The following GMDS variants were observed in gnomAD, a reference collection of about 807,000 sequenced individuals.
GMDS encodes GDP-mannose 4,6-dehydratase, also known as GDP-mannose 4,6 dehydratase.
In GMDS, 20 loss-of-function variants were observed where a neutral mutation model predicts 49.9. That is an observed-to-expected ratio of 0.40 (90% CI 0.28 to 0.58). The LOEUF (loss-of-function observed/expected upper bound fraction) is 0.58. Among genes scored for constraint, GMDS ranks in the 20% least tolerant of loss-of-function variants. GMDS has a pLI of 0.42. For missense variants in GMDS, 362 were observed against 481.4 expected (o/e 0.75, Z 2.32); for synonymous variants, 177 against 178.6 (o/e 0.99, Z 0.07).
intron 4 of GMDS, among the ~76,000 whole-genome samples, chr6:1,969,481 C>G (rs961800666): frequency 6.6e-6 from 1 of 151,996 alleles, no homozygotes; most frequent in Non-Finnish European, 1.5e-5. Context: ...ATGAGTAAGG[C>G]TGAACACATT....
chr6:1,633,566 G>T (rs1763059837), intron 9 of GMDS, among the ~76,000 whole-genome samples: 1 of 152,178 alleles, frequency 6.6e-6, no homozygotes, highest in Admixed American at 6.5e-5. Context: ...CTCTGTACTG[G>T]CTGGGCGGGG....
chr6:1,876,258 C>CA (rs1237756188), intron 7 of GMDS, among the ~76,000 whole-genome samples: 190 of 138,048 alleles, frequency 1.4e-3, no homozygotes, highest in African/African-American at 3.6e-3. Context: ...AACTCTGTCT[C>CA]AAAAAAAAAA....
intron 9 of GMDS, among the ~76,000 whole-genome samples, chr6:1,663,188 T>A (rs1199305920): frequency 2.6e-5 from 4 of 152,194 alleles, no homozygotes; most frequent in African/African-American, 9.7e-5. Flanking sequence ...CATGCACTGA[T>A]AAGGAAAGGG....
intron 6 of GMDS, among the ~76,000 whole-genome samples, chr6:1,940,576 A>G (rs1194550990): frequency 2.0e-5 from 3 of 152,226 alleles, no homozygotes; most frequent in African/African-American, 7.2e-5. Context: ...TCATTTGCTC[A>G]CTAAGTCCTG....
intron 9 of GMDS, among the ~76,000 whole-genome samples, chr6:1,643,289 C>A (rs1231081860): frequency 6.6e-6 from 1 of 152,188 alleles, no homozygotes; most frequent in Non-Finnish European, 1.5e-5. Context: ...GTCCCTGAGA[C>A]CCAGCCCATT....
At chr6:1,962,756 T>C (rs2127300220) in intron 4 of GMDS, among the ~76,000 whole-genome samples, 1 of 152,176 alleles carries the variant, frequency 6.6e-6, no homozygotes, top group South Asian at 2.1e-4. Context: ...AAAGTTTATA[T>C]ATATATACAT....
At chr6:1,822,115 A>G (rs568261580) in intron 7 of GMDS, among the ~76,000 whole-genome samples, 2 of 152,272 alleles carry the variant, frequency 1.3e-5, no homozygotes, top group East Asian at 3.9e-4. Flanking sequence ...ATGACAACTG[A>G]CTTCTTGTTC....
intron 9 of GMDS, among the ~76,000 whole-genome samples, chr6:1,714,953 G>A (rs1285090774): frequency 6.6e-6 from 1 of 152,236 alleles, no homozygotes; most frequent in African/African-American, 2.4e-5. Flanking sequence ...GAGCCAGGGA[G>A]CACATCTGGA....
rs142600192 is a variant in GMDS at position 1,877,177 on chromosome 6, G to A, written c.771+52926C>T. On this transcript the variant is annotated intron_variant, in intron 7 of 10. Transcript: ENST00000380815. ...TAACAGCCAGAGGCACAGAAGTCTCGGTGTGCTGTTGATTCCCAGATGTTC... is the reference window on the plus strand; with the variant it reads ...TAACAGCCAGAGGCACAGAAGTCTCAGTGTGCTGTTGATTCCCAGATGTTC... Among the ~76,000 whole-genome samples, 29 of 152,114 alleles carry A rather than the reference G, an allele frequency of 1.9e-4. No homozygotes were observed. In the South Asian group the frequency reaches 2.5e-3, roughly 13 times the overall value.
At chr6:1,904,132 A>G (rs1350040982) in intron 7 of GMDS, among the ~76,000 whole-genome samples, 1 of 152,212 alleles carries the variant, frequency 6.6e-6, no homozygotes, top group Non-Finnish European at 1.5e-5. Context: ...GGCACGGGAC[A>G]AGCGGTTCAG....
At chr6:1,704,584 C>T (rs1183458490) in intron 9 of GMDS, among the ~76,000 whole-genome samples, 1 of 152,174 alleles carries the variant, frequency 6.6e-6, no homozygotes, top group Non-Finnish European at 1.5e-5. Context: ...GGATGCGGAG[C>T]GTGAAAATAT....
chr6:2,121,534 G>C (rs1775138632), intron 2 of GMDS, among the ~76,000 whole-genome samples: 1 of 152,174 alleles, frequency 6.6e-6, no homozygotes, highest in African/African-American at 2.4e-5. Flanking sequence ...TTCAGAGCAT[G>C]ATCAGATGTG....
intron 4 of GMDS, among the ~76,000 whole-genome samples, chr6:2,079,770 C>T (rs550470613): frequency 1.3e-5 from 2 of 152,122 alleles, no homozygotes; most frequent in African/African-American, 4.8e-5. Flanking sequence ...CTATAATGTG[C>T]CAAGGAGAAG....
At chr6:2,207,696 G>T (rs1425531877) in intron 1 of GMDS, among the ~76,000 whole-genome samples, 2 of 151,862 alleles carry the variant, frequency 1.3e-5, no homozygotes, top group African/African-American at 4.9e-5. Context: ...CTACCCCTAA[G>T]AGCAATTCGC....
At chr6:2,042,126 G>C (rs1769722010) in intron 4 of GMDS, among the ~76,000 whole-genome samples, 1 of 152,160 alleles carries the variant, frequency 6.6e-6, no homozygotes, top group Non-Finnish European at 1.5e-5. Flanking sequence ...TTTTAGAAAA[G>C]GCAGTAAAGA....
intron 4 of GMDS, among the ~76,000 whole-genome samples, chr6:1,989,578 T>C (rs144946664): frequency 8.9e-4 from 136 of 152,344 alleles, no homozygotes; most frequent in Non-Finnish European, 1.4e-3. Flanking sequence ...AGACTTTGTT[T>C]AATCTTTGAA....
Position 1,635,084 on chromosome 6 carries a change from TTTTC to T in GMDS, c.988-10548_988-10545del, listed in dbSNP as rs1316131944. Reference sequence around the variant, plus strand: ...CTGCCAGCATTACGTGTCATCTCCTTTTTCACGATTTCAAGATTAGAGAACAGGG... The same window carrying T: ...CTGCCAGCATTACGTGTCATCTCCTTACGATTTCAAGATTAGAGAACAGGG... On this transcript the variant is annotated intron_variant, in intron 9 of 10. Transcript: ENST00000380815. The surrounding 1 kb of genome is among the most constrained non-coding windows in gnomAD (Gnocchi z 4.7). Among the ~76,000 whole-genome samples, 1 of 152,152 alleles carries T rather than the reference TTTTC, an allele frequency of 6.6e-6. No homozygotes were observed. Among genetic ancestry groups the T allele is most frequent in the Non-Finnish European group, 1.5e-5 (1 of 68,016 alleles).
At chr6:2,186,811 G>A (rs1343295925) in intron 1 of GMDS, among the ~76,000 whole-genome samples, 2 of 152,154 alleles carry the variant, frequency 1.3e-5, no homozygotes, top group Admixed American at 6.5e-5. Context: ...AGTTTAAAAC[G>A]GGTGCCTAAA....
chr6:1,641,037 CT>C (rs1763315215), intron 9 of GMDS, among the ~76,000 whole-genome samples: 1 of 152,230 alleles, frequency 6.6e-6, no homozygotes, highest in Non-Finnish European at 1.5e-5. Context: ...TTATTTCTGG[CT>C]TCCTCAGGAA....
Sources: gnomAD v4.1 joint callset for allele counts (sites outside exome capture counted in the v4.1 genomes callset) on GRCh38, gnomAD v4.1.1 for gene constraint, Gnocchi (gnomAD v3.1) non-coding constraint, MANE v1.5 for transcripts, NCBI Gene and HGNC (gene_info 2026-07-23, HGNC 2026-07-21) for gene names.